AGPAT5: variants seen among roughly 807,000 people sequenced by gnomAD.
The protein encoded by AGPAT5 is 1-acylglycerol-3-phosphate O-acyltransferase 5.
AGPAT5 carries 46 observed loss-of-function variants against 45.6 expected under a neutral mutation model. That is an observed-to-expected ratio of 1.01 (90% CI 0.80 to 1.29). The LOEUF is 1.29. AGPAT5 is among the 50% of genes most tolerant of loss of function. AGPAT5 has a pLI of 0.00. For synonymous variants in AGPAT5, 272 were observed against 167.0 expected (o/e 1.63, Z -4.85); for missense variants, 673 against 450.7 (o/e 1.49, Z -4.47).
intron 6 of AGPAT5, among the ~76,000 whole-genome samples, chr8:6,748,554 G>C (rs1801554717): frequency 1.3e-5 from 2 of 152,140 alleles, no homozygotes; most frequent in Admixed American, 1.3e-4. Context: ...GCCCAGGCTG[G>C]AGTGCAGTGG....
intron 6 of AGPAT5, among the ~76,000 whole-genome samples, chr8:6,752,386 G>A (rs1490899957): frequency 7.2e-5 from 11 of 152,154 alleles, no homozygotes; most frequent in African/African-American, 2.7e-4. Flanking sequence ...ATTTCTGTGT[G>A]TGTCTATATC....
intron 2 of AGPAT5, among the ~76,000 whole-genome samples, chr8:6,725,360 T>A (rs1800651169): frequency 6.6e-6 from 1 of 152,254 alleles, no homozygotes; most frequent in South Asian, 2.1e-4. Flanking sequence ...ATGCTCGTCA[T>A]TTCTAGTGTC....
chr8:6,733,660 T>A (rs980178830), intron 4 of AGPAT5, among the ~76,000 whole-genome samples: 7 of 152,194 alleles, frequency 4.6e-5, no homozygotes. Flanking sequence ...GGTCATTGCA[T>A]GTAGGTCTCC....
intron 4 of AGPAT5, among the ~76,000 whole-genome samples, chr8:6,741,048 T>A (rs185571858): frequency 7.4e-4 from 112 of 152,276 alleles, no homozygotes; most frequent in African/African-American, 2.5e-3. Context: ...GATTACTTAT[T>A]AAACGTCCAG....
At chr8:6,750,662 G>A (rs1406833841) in intron 6 of AGPAT5, among the ~76,000 whole-genome samples, 1 of 151,302 alleles carries the variant, frequency 6.6e-6, no homozygotes, top group Non-Finnish European at 1.5e-5. Flanking sequence ...AACAACAATA[G>A]ACATTTCACA....
At chr8:6,751,259 A>G (rs1801646301) in intron 6 of AGPAT5, among the ~76,000 whole-genome samples, 1 of 152,240 alleles carries the variant, frequency 6.6e-6, no homozygotes, top group Non-Finnish European at 1.5e-5. Context: ...TATATATAGT[A>G]GGCTATTTAA....
rs777165788 is a variant in AGPAT5 at position 6,710,219 on chromosome 8, G to C, written c.219+1332G>C. ...GAATACACCATTGAAGGATTTTTTG[G>C]TTTGGCAAGTTCTTATTTTTTTAAA... On this transcript the variant is annotated intron_variant, in intron 1 of 7. Transcript: ENST00000285518. Among the ~76,000 whole-genome samples, 230 of 152,256 alleles carry C rather than the reference G, an allele frequency of 1.5e-3. 5 individuals are homozygous for C. The highest frequency in any genetic ancestry group is 6.4e-3 in the East Asian group (33 of 5,188).
intron 1 of AGPAT5, among the ~76,000 whole-genome samples, chr8:6,723,194 A>G (rs10099645): frequency 0.022 from 3,374 of 152,274 alleles, 124 homozygotes; most frequent in African/African-American, 0.077. Flanking sequence ...AACATCTGTT[A>G]AAAACCAGCT....
rs1329479890 is a variant in AGPAT5 at position 6,758,356 on chromosome 8, C to G, written c.*968C>G. ...CTTCTCTTTGATTTCACAGAATATT[C>G]ATTCAGAAGTCGCGTTTCTGTAGTG... On this transcript the variant is annotated 3_prime_UTR_variant, in exon 8 of 8. Coordinates refer to ENST00000285518, the MANE Select transcript of AGPAT5 (RefSeq NM_018361.5). The G allele has an allele frequency of 1.3e-5, 2 of 152,678 alleles. No individual in the cohort carries two copies. The highest frequency in any genetic ancestry group is 2.9e-5 in the Non-Finnish European group (2 of 68,060). The allele number at this position is 152,678 out of a possible 1,614,324, so 9.5% of individuals were successfully genotyped here.
At position 6,755,112 on chromosome 8, in the gene AGPAT5, T is replaced by C; in HGVS notation, c.807T>C (p.Asp269=). The change falls in exon 7 of 8, where the codon GAT becomes GAC. Residue 269 remains aspartate (D), a synonymous_variant. Transcript: ENST00000285518. ...ACATTGATCGTATCGACAAAAAAGATGTCCCAGAAGAACAAGAACATATGA... is the reference window on the plus strand; with the variant it reads ...ACATTGATCGTATCGACAAAAAAGACGTCCCAGAAGAACAAGAACATATGA... ...HIHIDRIDKK[D]VPEEQEHMRR... The C allele has an allele frequency of 6.2e-7, 1 of 1,608,462 alleles. No homozygotes were observed. The highest frequency in any genetic ancestry group is 8.5e-7 in the Non-Finnish European group (1 of 1,178,826).
chr8:6,739,044 T>G (rs1801149904), intron 4 of AGPAT5, among the ~76,000 whole-genome samples: 1 of 152,136 alleles, frequency 6.6e-6, no homozygotes, highest in African/African-American at 2.4e-5. Context: ...TAACCATCAC[T>G]ATAGAAAAGA....
intron 5 of AGPAT5, among the ~76,000 whole-genome samples, chr8:6,746,974 A>G (rs949775600): frequency 2.1e-4 from 32 of 152,216 alleles, no homozygotes; most frequent in African/African-American, 7.5e-4. Context: ...CCCCAGCTAA[A>G]GAACCTTTTA....
At chr8:6,742,784 A>G (rs1177577252) in intron 5 of AGPAT5, among the ~76,000 whole-genome samples, 1 of 152,224 alleles carries the variant, frequency 6.6e-6, no homozygotes, top group Non-Finnish European at 1.5e-5. Flanking sequence ...CTTTTAAAAA[A>G]TGCCAGTTTG....
chr8:6,760,861 A>G lies in AGPAT5; in HGVS notation c.*3473A>G, dbSNP rs754354881. ...TGGTCAAAATATTTACAACATTCACATACTTGTCAAATATTCATGTAATTA... is the reference window on the plus strand; with the variant it reads ...TGGTCAAAATATTTACAACATTCACGTACTTGTCAAATATTCATGTAATTA... On this transcript the variant is annotated 3_prime_UTR_variant, in exon 8 of 8. Transcript: ENST00000285518. Among the ~76,000 whole-genome samples, 2 of 152,218 alleles carry G rather than the reference A, an allele frequency of 1.3e-5. No homozygotes were observed. Among genetic ancestry groups the G allele is most frequent in the South Asian group, 2.1e-4 (1 of 4,836 alleles).
intron 1 of AGPAT5, among the ~76,000 whole-genome samples, chr8:6,718,161 C>T (rs376598691): frequency 1.3e-5 from 2 of 152,116 alleles, no homozygotes; most frequent in Admixed American, 1.3e-4. Context: ...AGAACAGTAC[C>T]AAAAGACAGG....
intron 4 of AGPAT5, chr8:6,738,663 A>G (rs1398142923): frequency 6.6e-6 from 1 of 152,222 alleles, no homozygotes; most frequent in Admixed American, 6.5e-5. Flanking sequence ...AAAGCGAAGC[A>G]TGATAAAATG....
intron 5 of AGPAT5, among the ~76,000 whole-genome samples, chr8:6,742,805 C>G (rs930509874): frequency 2.0e-5 from 3 of 152,142 alleles, no homozygotes; most frequent in Non-Finnish European, 4.4e-5. Flanking sequence ...TTTTTAAACA[C>G]ATGTCCTATT....
At chr8:6,721,559 C>T (rs1256851888) in intron 1 of AGPAT5, among the ~76,000 whole-genome samples, 2 of 152,232 alleles carry the variant, frequency 1.3e-5, no homozygotes, top group African/African-American at 2.4e-5. Context: ...TATTATTACA[C>T]TCATTTTACA....
At chr8:6,754,091 G>T (rs1801746799) in intron 6 of AGPAT5, among the ~76,000 whole-genome samples, 1 of 152,168 alleles carries the variant, frequency 6.6e-6, no homozygotes, top group Non-Finnish European at 1.5e-5. Context: ...ACCTTAGTCA[G>T]CTCTTAAATC....
Sources: gnomAD v4.1 joint callset for allele counts (sites outside exome capture counted in the v4.1 genomes callset) on GRCh38, gnomAD v4.1.1 for gene constraint, MANE v1.5 for transcripts, NCBI Gene and HGNC (gene_info 2026-07-23, HGNC 2026-07-21) for gene names.